The following CSMD3 variants were observed in gnomAD, a reference collection of about 807,000 sequenced individuals.
The protein encoded by CSMD3 is CUB and sushi domain-containing protein 3.
CSMD3 carries 177 observed loss-of-function variants against 435.2 expected under a neutral mutation model. The observed-to-expected ratio is 0.41, with a 90% confidence interval of 0.36 to 0.46. The LOEUF is 0.46. Among genes scored for constraint, CSMD3 ranks in the 20% least tolerant of loss-of-function variants. The pLI, the probability that CSMD3 is intolerant of heterozygous loss-of-function variation, is 0.34. For missense variants in CSMD3, 4,265 were observed against 4,504.6 expected, an observed-to-expected ratio of 0.95 and a Z score of 1.52; for synonymous variants, 1,656 against 1,520.5, an observed-to-expected ratio of 1.09 and a Z score of -2.07.
intron 65 of CSMD3, among the ~76,000 whole-genome samples, chr8:112,243,719 T>A (rs751730675): frequency 3.3e-5 from 5 of 152,152 alleles, no homozygotes; most frequent in Non-Finnish European, 5.9e-5. Context: ...TGTACCCACA[T>A]AATTTATGTT....
chr8:113,027,430 G>A (rs1015957018), intron 5 of CSMD3, among the ~76,000 whole-genome samples: 1 of 152,208 alleles, frequency 6.6e-6, no homozygotes, highest in African/African-American at 2.4e-5. Context: ...ATGGAATGAC[G>A]TTAAATGCAT....
At chr8:113,334,414 G>C (rs2094054490) in intron 1 of CSMD3, among the ~76,000 whole-genome samples, 1 of 26,986 alleles carries the variant, frequency 3.7e-5, no homozygotes, top group South Asian at 2.1e-3. Flanking sequence ...AACTATCCTT[G>C]CATTTTTGCA....
intron 1 of CSMD3, among the ~76,000 whole-genome samples, chr8:113,318,002 G>C (rs74476672): frequency 3.9e-5 from 6 of 151,920 alleles, no homozygotes; most frequent in Non-Finnish European, 7.4e-5. Context: ...CATTTTTATG[G>C]TTATAACGGT....
At chr8:113,209,081 G>T (rs889960847) in intron 3 of CSMD3, among the ~76,000 whole-genome samples, 2 of 152,086 alleles carry the variant, frequency 1.3e-5, no homozygotes, top group Admixed American at 6.6e-5. Flanking sequence ...GTTTCTCAGA[G>T]TTGACACATT....
chr8:113,110,122 T>C (rs2090594513), intron 4 of CSMD3, among the ~76,000 whole-genome samples: 1 of 152,196 alleles, frequency 6.6e-6, no homozygotes, highest in Non-Finnish European at 1.5e-5. Flanking sequence ...ATTCTTCCAC[T>C]TTCTCAATTA....
Position 113,098,869 on chromosome 8 carries a change from A to T in CSMD3, c.804T>A (p.Thr268=). The change falls in exon 5 of 71, where the codon ACT becomes ACA. Residue 268 remains threonine, a synonymous_variant. Coordinates refer to ENST00000297405, the MANE Select transcript of CSMD3 (RefSeq NM_198123.2). ...PNEYHNNADC[T]WTIVAEPGDT... ...CCCCAGGCTCTGCTACAATGGTCCA[A>T]GTGCAATCAGCATTGTTATGGTACT... 1 of 1,611,494 alleles carries T rather than the reference A, an allele frequency of 6.2e-7. No individual in the cohort carries two copies. The highest frequency in any genetic ancestry group is 1.1e-5 in the South Asian group (1 of 91,038).
At chr8:112,781,112 A>G (rs1451397800) in intron 13 of CSMD3, among the ~76,000 whole-genome samples, 1 of 151,998 alleles carries the variant, frequency 6.6e-6, no homozygotes, top group Non-Finnish European at 1.5e-5. Flanking sequence ...GCTCAGCCAT[A>G]GTAAAATAAA....
rs1373457940 is a variant in CSMD3 at position 112,512,349 on chromosome 8, A to G, written c.4756+4685T>C. Reference sequence around the variant, plus strand: ...CCTTGATCCATGGGCTGCAAAATGGATGTTGTGTTATTGGCATAAAAACAT... The same window carrying G: ...CCTTGATCCATGGGCTGCAAAATGGGTGTTGTGTTATTGGCATAAAAACAT... On this transcript the variant is annotated intron_variant, in intron 28 of 70. Transcript: ENST00000297405. Among the ~76,000 whole-genome samples the G allele has an allele frequency of 1.3e-5, 2 of 152,168 alleles. 1 individual carries two copies. Among genetic ancestry groups the G allele is most frequent in the East Asian group, 3.9e-4 (2 of 5,186 alleles).
chr8:112,599,563 T>C (rs939601873), intron 22 of CSMD3, among the ~76,000 whole-genome samples: 1 of 151,892 alleles, frequency 6.6e-6, no homozygotes, highest in Non-Finnish European at 1.5e-5. Context: ...TAAAGACACA[T>C]GCACACGTAT....
At chr8:112,762,676 TG>T (rs1202076771) in intron 13 of CSMD3, among the ~76,000 whole-genome samples, 13 of 152,084 alleles carry the variant, frequency 8.5e-5, no homozygotes, top group Middle Eastern at 3.4e-3. Context: ...GAATTTTGGC[TG>T]GTTTCTGTTA....
intron 59 of CSMD3, among the ~76,000 whole-genome samples, chr8:112,271,191 A>G (rs2130477209): frequency 6.6e-6 from 1 of 152,316 alleles, no homozygotes; most frequent in East Asian, 1.9e-4. Context: ...TTATTGACTT[A>G]CATTATATTT....
At chr8:113,202,028 A>C (rs2092720966) in intron 3 of CSMD3, among the ~76,000 whole-genome samples, 1 of 152,076 alleles carries the variant, frequency 6.6e-6, no homozygotes, top group Non-Finnish European at 1.5e-5. Flanking sequence ...GGAGAAAAGT[A>C]AAGTAAAGCA....
At chr8:112,852,512 A>G (rs1415518068) in intron 11 of CSMD3, among the ~76,000 whole-genome samples, 1 of 152,160 alleles carries the variant, frequency 6.6e-6, no homozygotes, top group Non-Finnish European at 1.5e-5. Flanking sequence ...TTTTATTTTT[A>G]TCAGTGCTTT....
intron 9 of CSMD3, among the ~76,000 whole-genome samples, chr8:112,924,713 C>G (rs186678073): frequency 9.9e-5 from 15 of 152,084 alleles, no homozygotes; most frequent in Admixed American, 9.8e-4. Context: ...TTTTCCCCTA[C>G]AGATTAGCCA....
At chr8:113,239,484 T>A (rs1017317150) in intron 3 of CSMD3, among the ~76,000 whole-genome samples, 5 of 144,210 alleles carry the variant, frequency 3.5e-5, no homozygotes, top group Non-Finnish European at 7.5e-5. Flanking sequence ...AAATTATATA[T>A]GCAGTATGTA....
chr8:113,221,951 TG>T (rs2092971235), intron 3 of CSMD3, among the ~76,000 whole-genome samples: 1 of 151,206 alleles, frequency 6.6e-6, no homozygotes, highest in South Asian at 2.1e-4. Flanking sequence ...ACTACAACCC[TG>T]GAACATAAAC....
intron 2 of CSMD3, among the ~76,000 whole-genome samples, chr8:113,291,562 A>T (rs7833258): frequency 0.93 from 141,754 of 151,744 alleles, 66,328 homozygotes; most frequent in East Asian, 1. Flanking sequence ...TAGTAGATAG[A>T]CTTTTTAATT....
rs1428658728 is a variant in CSMD3 at position 112,455,629 on chromosome 8, AAATC to A, written c.5395+16958_5395+16961del. Among the ~76,000 whole-genome samples the A allele has an allele frequency of 5.5e-3, 604 of 109,630 alleles. 3 individuals carry two copies. The highest frequency in any genetic ancestry group is 9.8e-3 in the Non-Finnish European group (475 of 48,650). 71.9% of individuals were successfully genotyped at this position (109,630 alleles called of 152,430 possible). On this transcript the variant is annotated intron_variant, in intron 32 of 70. Coordinates refer to ENST00000297405, the MANE Select transcript of CSMD3 (RefSeq NM_198123.2). ...TAAATAAATAAATAAATAAATAAATAAATCAAAGCATAATCAATGCCTAAGTCAG... is the reference window on the plus strand; with the variant it reads ...TAAATAAATAAATAAATAAATAAATAAAAGCATAATCAATGCCTAAGTCAG...
intron 13 of CSMD3, among the ~76,000 whole-genome samples, chr8:112,796,483 G>A (rs1238368728): frequency 6.6e-6 from 1 of 151,904 alleles, no homozygotes; most frequent in Admixed American, 6.6e-5. Flanking sequence ...GTTAATGTAG[G>A]CAAAATAATT....
Sources: gnomAD v4.1 joint callset for allele counts (sites outside exome capture counted in the v4.1 genomes callset) on GRCh38, gnomAD v4.1.1 for gene constraint, MANE v1.5 for transcripts, NCBI Gene and HGNC (gene_info 2026-07-23, HGNC 2026-07-21) for gene names.